APC: variants seen among roughly 807,000 people sequenced by gnomAD.
APC encodes adenomatous polyposis coli protein.
Under a neutral mutation model 247.0 loss-of-function variants are expected in APC, and 72 were observed. The ratio of observed to expected loss-of-function variants is 0.29; its 90% confidence interval spans 0.24 to 0.35. The LOEUF (loss-of-function observed/expected upper bound fraction) is 0.35. Ranked by LOEUF, APC falls within the 10% of genes least tolerant of loss-of-function variation. The probability of loss-of-function intolerance (pLI) is 1.00; values close to 1 mark genes in which losing one functional copy is unlikely to be tolerated. For missense variants in APC, 3,400 were observed against 3,360.7 expected, an observed-to-expected ratio of 1.01 and a Z score of -0.29; for synonymous variants, 1,254 against 1,162.5, an observed-to-expected ratio of 1.08 and a Z score of -1.60.
intron 6 of APC, among the ~76,000 whole-genome samples, chr5:112,787,448 TTCTG>T (rs138752867): frequency 0.14 from 20,705 of 152,068 alleles, 1,973 homozygotes; most frequent in African/African-American, 0.27. Flanking sequence ...CAATTCTTGT[TTCTG>T]TATGTCTTCT....
intron 8 of APC, among the ~76,000 whole-genome samples, chr5:112,802,874 A>G (rs954527931): frequency 1.3e-5 from 2 of 152,122 alleles, no homozygotes; most frequent in African/African-American, 2.4e-5. Flanking sequence ...TGCAAAAAAC[A>G]GTATTTATAT....
intron 8 of APC, among the ~76,000 whole-genome samples, chr5:112,806,591 T>TATTG (rs1483116882): frequency 2.1e-5 from 3 of 145,128 alleles, no homozygotes; most frequent in African/African-American, 7.7e-5. Flanking sequence ...TTTATTTATT[T>TATTG]ATTGAGATAG....
At chr5:112,835,572 ATTT>A (rs11376379) in intron 15 of APC, among the ~76,000 whole-genome samples, 24 of 132,934 alleles carry the variant, frequency 1.8e-4, no homozygotes, top group Admixed American at 2.3e-4. Context: ...CATAATAATA[ATTT>A]TTTTTTTTTT....
At chr5:112,719,994 G>A (rs114185907) in intron 1 of APC, among the ~76,000 whole-genome samples, 1,595 of 152,174 alleles carry the variant, frequency 0.01, 27 homozygotes, top group African/African-American at 0.037. Flanking sequence ...GGTACAATTT[G>A]CGTTTGAATT....
intron 6 of APC, among the ~76,000 whole-genome samples, chr5:112,783,456 T>G (rs1580389062): frequency 1.3e-5 from 2 of 151,632 alleles, no homozygotes; most frequent in South Asian, 2.1e-4. Context: ...TATAAGAGAT[T>G]TAATATCCCT....
chr5:112,718,784 C>T (rs995878651), intron 1 of APC, among the ~76,000 whole-genome samples: 1 of 152,318 alleles, frequency 6.6e-6, no homozygotes, highest in Non-Finnish European at 1.5e-5. Flanking sequence ...ACCTGGTCTG[C>T]TGTTTCTACG....
intron 8 of APC, among the ~76,000 whole-genome samples, chr5:112,803,361 A>C (rs1053522248): frequency 6.6e-6 from 1 of 152,198 alleles, no homozygotes; most frequent in African/African-American, 2.4e-5. Flanking sequence ...AAAAAGTTAG[A>C]AATAACCTAA....
At chr5:112,821,423 A>G (rs79760282) in intron 10 of APC, among the ~76,000 whole-genome samples, 9 of 152,078 alleles carry the variant, frequency 5.9e-5, no homozygotes, top group Non-Finnish European at 1.2e-4. Flanking sequence ...AGGAAGGTCA[A>G]TTGAGCCCAG....
At chr5:112,834,609 A>T (rs1198460994) in intron 14 of APC, among the ~76,000 whole-genome samples, 1 of 151,996 alleles carries the variant, frequency 6.6e-6, no homozygotes, top group Non-Finnish European at 1.5e-5. Flanking sequence ...CCCCAGCCTG[A>T]GAATAACCCA....
intron 10 of APC, among the ~76,000 whole-genome samples, chr5:112,820,890 C>A (rs1162002453): frequency 6.6e-6 from 1 of 152,072 alleles, no homozygotes; most frequent in Non-Finnish European, 1.5e-5. Context: ...GAGACAGGGT[C>A]TCACACAAGC....
At chr5:112,786,059 C>T (rs1245266014) in intron 6 of APC, among the ~76,000 whole-genome samples, 2 of 152,094 alleles carry the variant, frequency 1.3e-5, no homozygotes, top group Non-Finnish European at 2.9e-5. Context: ...AGAATTCCTA[C>T]AAATGAATAA....
At chr5:112,804,155 C>G (rs1761122387) in intron 8 of APC, among the ~76,000 whole-genome samples, 1 of 152,134 alleles carries the variant, frequency 6.6e-6, no homozygotes, top group African/African-American at 2.4e-5. Context: ...GTCACTTCTT[C>G]CTGGACATTT....
chr5:112,844,779 G>A lies in APC; in HGVS notation c.*653G>A, dbSNP rs1303996705. ...TGTGCTCCAAACAAAACAAAAATCTGTGTAACTGTAAAACATTGAATGAAA... is the reference window on the plus strand; with the variant it reads ...TGTGCTCCAAACAAAACAAAAATCTATGTAACTGTAAAACATTGAATGAAA... On this transcript the variant is annotated 3_prime_UTR_variant, in exon 16 of 16. Transcript: ENST00000257430. 4.3e-6 allele frequency: 1 copy of A among 231,828 alleles called. No individual in the cohort carries two copies. Among genetic ancestry groups the A allele is most frequent in the Non-Finnish European group, 8.5e-6 (1 of 117,142 alleles). 14.4% of individuals were successfully genotyped at this position (231,828 alleles called of 1,614,324 possible).
At chr5:112,733,234 A>G (rs1752185701), upstream of APC, among the ~76,000 whole-genome samples, 1 of 152,222 alleles carries the variant, frequency 6.6e-6, no homozygotes, top group African/African-American at 2.4e-5. Flanking sequence ...TGGTCAGCAG[A>G]ATAATGGCTC....
Position 112,835,149 on chromosome 5 carries a change from A to G in APC, c.1942A>G (p.Thr648Ala). 1.9e-6 allele frequency: 3 copies of G among 1,613,896 alleles called. No homozygotes were observed. Among genetic ancestry groups the G allele is most frequent in the South Asian group, 1.1e-5 (1 of 91,068 alleles). The change falls in exon 15 of 16, where the codon ACA becomes GCA. Residue 648 changes from threonine (T) to alanine (A), a missense_variant. By Grantham distance (58) the Thr-to-Ala change is moderately conservative (BLOSUM62 0). This residue lies in a region of APC where 184 missense variants were observed against 248.0 expected (regional missense o/e 0.74). Coordinates refer to ENST00000257430, the MANE Select transcript of APC (RefSeq NM_000038.6). ...ACGGAATGTGTCCAGCTTGATAGCT[A>G]CAAATGAGGACCACAGGTATATATA... ...ILRNVSSLIA[T>A]NEDHRQILRE...
chr5:112,708,086 G>A (rs6873846), intron 1 of APC, among the ~76,000 whole-genome samples: 45 of 152,284 alleles, frequency 3.0e-4, no homozygotes, highest in African/African-American at 9.1e-4. Context: ...CGCAGTGGAT[G>A]GGGGTCGCGA....
In APC at chr5:112,838,826, T is replaced by C. The variant is rs367687901; in HGVS notation, c.3232T>C (p.Tyr1078His). Residue 1078 changes from tyrosine (Y) to histidine (H), a missense_variant, in exon 16 of 16, where the codon TAT (tyrosine) becomes CAT (histidine). By Grantham distance (83) the Tyr-to-His change is moderately conservative. Coordinates refer to ENST00000257430, the MANE Select transcript of APC (RefSeq NM_000038.6). The part of the protein sequence containing the change: ...SRNQSTTYPV[Y>H]TESTDDKHLK... ...GAATCAAAGTACAACTTATCCTGTT[T>C]ATACTGAGAGCACTGATGATAAACA... 1 of 1,614,060 alleles carries C rather than the reference T, an allele frequency of 6.2e-7. No individual in the cohort carries two copies. The highest frequency in any genetic ancestry group is 8.5e-7 in the Non-Finnish European group (1 of 1,180,040).
chr5:112,753,026 G>A (rs1212753944), intron 1 of APC, among the ~76,000 whole-genome samples: 2 of 151,952 alleles, frequency 1.3e-5, no homozygotes, highest in African/African-American at 2.4e-5. Flanking sequence ...ACTTGTGCAT[G>A]CCCATTTTTT....
At chr5:112,829,384 A>T (rs1233242611) in intron 14 of APC, 1 of 182,520 alleles carries the variant, frequency 5.5e-6, no homozygotes, top group Non-Finnish European at 1.2e-5. Context: ...GATCTGCCCA[A>T]CTCGGCCTCC....
Sources: gnomAD v4.1 joint callset for allele counts (sites outside exome capture counted in the v4.1 genomes callset) on GRCh38, gnomAD v4.1.1 for gene constraint, gnomAD v4.1.1 regional missense constraint, MANE v1.5 for transcripts, NCBI Gene and HGNC (gene_info 2026-07-23, HGNC 2026-07-21) for gene names.